RALGPS1: variants seen among roughly 807,000 people sequenced by gnomAD.
The protein encoded by RALGPS1 is ras-specific guanine nucleotide-releasing factor RalGPS1.
A neutral mutation model predicts 78.8 loss-of-function variants in RALGPS1; 19 were observed. That is an observed-to-expected ratio of 0.24 (90% CI 0.17 to 0.35). The LOEUF (loss-of-function observed/expected upper bound fraction) is 0.35. RALGPS1 is among the 10% of genes least tolerant of loss of function. The pLI is 1.00. For synonymous variants in RALGPS1, 228 were observed against 256.3 expected (o/e 0.89, Z 1.06); for missense variants, 454 against 688.3 (o/e 0.66, Z 3.81).
intron 5 of RALGPS1, among the ~76,000 whole-genome samples, chr9:127,043,750 C>A (rs778850150): frequency 3.4e-4 from 51 of 152,016 alleles, no homozygotes; most frequent in Non-Finnish European, 6.5e-4. Flanking sequence ...TGAAACTCAA[C>A]AATAAGAAAA....
rs188495972 is a variant in RALGPS1 at position 127,191,629 on chromosome 9, A to G, written c.911-3462A>G. On this transcript the variant is annotated intron_variant, in intron 11 of 18. Transcript: ENST00000259351. ...AAGTCTTGCACTGTTTTTCTTCAGA[A>G]TAGTCTTGGCTACTCTGTCTTTTTT... Among the ~76,000 whole-genome samples the G allele has an allele frequency of 6.5e-4, 99 of 151,294 alleles. No individual in the cohort carries two copies. The Middle Eastern group carries it at 0.01, about 16-fold the overall frequency.
At chr9:127,073,952 G>A in intron 8 of RALGPS1, among the ~76,000 whole-genome samples, 1 of 152,126 alleles carries the variant, frequency 6.6e-6, no homozygotes, top group Non-Finnish European at 1.5e-5. Context: ...CGCCGTCTCG[G>A]CTCACTGCAA....
chr9:127,089,625 G>C (rs1234515448), intron 8 of RALGPS1, among the ~76,000 whole-genome samples: 1 of 152,194 alleles, frequency 6.6e-6, no homozygotes, highest in East Asian at 1.9e-4. Context: ...GAATGACAAA[G>C]AAAGTGTTTA....
intron 8 of RALGPS1, among the ~76,000 whole-genome samples, chr9:127,143,530 G>A (rs2057914048): frequency 6.6e-6 from 1 of 152,106 alleles, no homozygotes; most frequent in Non-Finnish European, 1.5e-5. Context: ...CAGACATGAA[G>A]CCCTAATGAA....
intron 8 of RALGPS1, among the ~76,000 whole-genome samples, chr9:127,118,163 T>C (rs1303618375): frequency 6.6e-6 from 1 of 152,196 alleles, no homozygotes; most frequent in Non-Finnish European, 1.5e-5. Context: ...CAAGGGATTC[T>C]CCTGCCACAC....
intron 4 of RALGPS1, among the ~76,000 whole-genome samples, chr9:127,013,209 A>G (rs566147823): frequency 2.0e-5 from 3 of 152,190 alleles, no homozygotes; most frequent in Non-Finnish European, 4.4e-5. Flanking sequence ...ATCTAAAGCA[A>G]AGGTGAGGAG....
chr9:126,925,097 A>T (rs1209796945), intron 1 of RALGPS1, among the ~76,000 whole-genome samples: 1 of 152,008 alleles, frequency 6.6e-6, no homozygotes, highest in East Asian at 1.9e-4. Flanking sequence ...ATTGCACTCC[A>T]ACCTGGGAAG....
At chr9:127,197,604 G>A (rs1369680541) in intron 13 of RALGPS1, among the ~76,000 whole-genome samples, 3 of 152,198 alleles carry the variant, frequency 2.0e-5, no homozygotes, top group African/African-American at 7.2e-5. Flanking sequence ...CAGTCCAGGG[G>A]TCGCTGTCTC....
chr9:127,050,102 A>C lies in RALGPS1; in HGVS notation c.360A>C (p.Glu120Asp). Residue 120 changes from glutamate to aspartate, a missense_variant, in exon 6 of 19, where the codon GAA (glutamate) becomes GAC (aspartate). Physicochemically the swap from Glu to Asp is conservative, Grantham distance 45. Transcript: ENST00000259351. ...CACAGACTTTAAAAATAAGGGCAGA[A>C]ATCCTCAGCCATTTTGTGAAAATAG... ...LTAQTLKIRAEILSHFVKIAK... is the reference protein window; with the variant it reads ...LTAQTLKIRADILSHFVKIAK... 6.2e-7 allele frequency: 1 copy of C among 1,613,964 alleles called. No individual in the cohort carries two copies. The highest frequency in any genetic ancestry group is 1.1e-5 in the South Asian group (1 of 91,082).
At chr9:127,088,955 G>A (rs967696380) in intron 8 of RALGPS1, 2 of 1,614,056 alleles carry the variant, frequency 1.2e-6, no homozygotes, top group Non-Finnish European at 8.5e-7. Flanking sequence ...GAAGGTGTTG[G>A]GGTTCGGTCG....
chr9:127,055,040 A>AGAGAGAGAGAG (rs1589236060), intron 7 of RALGPS1, among the ~76,000 whole-genome samples: 6 of 146,750 alleles, frequency 4.1e-5, no homozygotes, highest in East Asian at 4.0e-4. Context: ...AGAGAGAGAG[A>AGAGAGAGAGAG]AGAAATCTCC....
chr9:127,039,899 G>C (rs1223619567), intron 5 of RALGPS1, among the ~76,000 whole-genome samples: 1 of 152,222 alleles, frequency 6.6e-6, no homozygotes, highest in African/African-American at 2.4e-5. Flanking sequence ...CTCTTGGGCA[G>C]TGATGGTGGC....
intron 11 of RALGPS1, among the ~76,000 whole-genome samples, chr9:127,188,715 C>T (rs1468585524): frequency 6.6e-6 from 1 of 151,632 alleles, no homozygotes; most frequent in Non-Finnish European, 1.5e-5. Context: ...CCTGCAATTC[C>T]AGCACTTTGG....
intron 7 of RALGPS1, among the ~76,000 whole-genome samples, chr9:127,067,601 A>G (rs1213413259): frequency 2.0e-5 from 3 of 152,210 alleles, no homozygotes; most frequent in East Asian, 1.9e-4. Flanking sequence ...CCATTGCACA[A>G]TGGGGCTTTT....
intron 11 of RALGPS1, chr9:127,178,024 G>GC (rs2059981065): frequency 6.6e-7 from 1 of 1,514,540 alleles, no homozygotes; most frequent in Admixed American, 2.0e-5. Context: ...GCATGGCGAG[G>GC]CACCCATGGG....
chr9:126,976,914 G>T lies in RALGPS1; in HGVS notation c.166-781G>T, dbSNP rs192802958. 2.7e-3 allele frequency among the ~76,000 whole-genome samples: 414 copies of T among 152,308 alleles called. 2 individuals are homozygous for T. The highest frequency in any genetic ancestry group is 9.4e-3 in the African/African-American group (389 of 41,566). ...CTTCCTGTTACTGTCACCAGATGAGGTTCTTATGATGGGCACAGCCTTTTA... is the reference window on the plus strand; with the variant it reads ...CTTCCTGTTACTGTCACCAGATGAGTTTCTTATGATGGGCACAGCCTTTTA... On this transcript the variant is annotated intron_variant, in intron 3 of 18. Coordinates refer to ENST00000259351, the MANE Select transcript of RALGPS1 (RefSeq NM_014636.3).
intron 17 of RALGPS1, among the ~76,000 whole-genome samples, chr9:127,213,361 G>A (rs1753993738): frequency 6.6e-6 from 1 of 152,202 alleles, no homozygotes; most frequent in South Asian, 2.1e-4. Context: ...GATGAGGCAG[G>A]GCCATGAGGC....
intron 9 of RALGPS1, among the ~76,000 whole-genome samples, chr9:127,167,558 G>A (rs998327398): frequency 5.9e-5 from 9 of 152,192 alleles, no homozygotes; most frequent in East Asian, 1.9e-4. Flanking sequence ...ACAGTCCCTG[G>A]CATTTCATGA....
At chr9:126,952,652 A>AGTGTGTGTGTGTGTGTGTGTGTGTGTGT (rs768212640) in intron 1 of RALGPS1, among the ~76,000 whole-genome samples, 3 of 122,428 alleles carry the variant, frequency 2.5e-5, no homozygotes, top group Non-Finnish European at 5.6e-5. Context: ...AGAGAGAGAG[A>AGTGTGTGTGTGTGTGTGTGTGTGTGTGT]GAGAGTGTGT....
Sources: allele counts gnomAD v4.1 joint callset (sites outside exome capture counted in the v4.1 genomes callset), GRCh38; gene constraint gnomAD v4.1.1; transcripts MANE v1.5; gene names NCBI Gene and HGNC (gene_info 2026-07-23, HGNC 2026-07-21).